PTAFR: variants seen among roughly 807,000 people sequenced by gnomAD.
PTAFR encodes platelet-activating factor receptor.
Under a neutral mutation model 14.7 loss-of-function variants are expected in PTAFR, and 8 were observed. The ratio of observed to expected loss-of-function variants is 0.54; its 90% CI spans 0.32 to 0.98. The LOEUF is 0.98. PTAFR is among the 50% of genes least tolerant of loss of function. The pLI is 0.04. For missense variants in PTAFR, 337 were observed against 451.2 expected (o/e 0.75, Z 2.29); for synonymous variants, 156 against 176.5 (o/e 0.88, Z 0.92).
rs1646145226 is a variant in PTAFR at position 28,148,874 on chromosome 1, A to G, written c.*1119T>C. On this transcript the variant is annotated 3_prime_UTR_variant, in exon 2 of 2. Transcript: ENST00000373857. The stretch of plus-strand genomic sequence containing the variant: ...AGTGCTGGGATTATAGGCATGAGCC[A>G]CTGAGCCCAGCCCCAATTTTGCTTT... The G allele has an allele frequency of 6.6e-6, 1 of 152,318 alleles. No individual in the cohort carries two copies. The highest frequency in any genetic ancestry group is 1.5e-5 in the Non-Finnish European group (1 of 68,108). The allele number at this position is 152,318 out of a possible 1,614,324, so 9.4% of individuals were successfully genotyped here.
intron 1 of PTAFR, among the ~76,000 whole-genome samples, chr1:28,155,318 C>T (rs1458613577): frequency 6.6e-6 from 1 of 152,178 alleles, no homozygotes; most frequent in Non-Finnish European, 1.5e-5. Flanking sequence ...TCAAGCGATT[C>T]TCCTGCCTCA....
chr1:28,180,989 A>G (rs1460086957), upstream of PTAFR, among the ~76,000 whole-genome samples: 1 of 152,048 alleles, frequency 6.6e-6, no homozygotes, highest in Non-Finnish European at 1.5e-5. Context: ...TATTTTTTTG[A>G]GATGGAGTCT....
intron 1 of PTAFR, among the ~76,000 whole-genome samples, chr1:28,175,117 T>A (rs543127130): frequency 1.3e-5 from 2 of 152,296 alleles, no homozygotes; most frequent in South Asian, 4.1e-4. Flanking sequence ...TTTCACCATG[T>A]TCGCCAGGAT....
chr1:28,158,793 A>T (rs1646294210), intron 1 of PTAFR, among the ~76,000 whole-genome samples: 1 of 152,142 alleles, frequency 6.6e-6, no homozygotes, highest in African/African-American at 2.4e-5. Flanking sequence ...TTATTGAAGG[A>T]TCTTGAGCTT....
At chr1:28,192,375 C>A (rs1646660658) in intron 1 of PTAFR, among the ~76,000 whole-genome samples, 1 of 151,858 alleles carries the variant, frequency 6.6e-6, no homozygotes. Context: ...GCCTGACCAA[C>A]ATGGAGAAAC....
At chr1:28,175,702 C>T (rs1646505734) in intron 1 of PTAFR, among the ~76,000 whole-genome samples, 1 of 152,060 alleles carries the variant, frequency 6.6e-6, no homozygotes. Flanking sequence ...GTATAAGAAC[C>T]TGGTTATTTT....
intron 1 of PTAFR, among the ~76,000 whole-genome samples, chr1:28,169,530 T>G (rs1305523450): frequency 6.6e-6 from 1 of 152,154 alleles, no homozygotes; most frequent in Non-Finnish European, 1.5e-5. Context: ...GGAGTCAGAC[T>G]CTGTAGTCAG....
At chr1:28,175,843 A>G (rs1646507420) in intron 1 of PTAFR, among the ~76,000 whole-genome samples, 1 of 152,112 alleles carries the variant, frequency 6.6e-6, no homozygotes, top group Non-Finnish European at 1.5e-5. Flanking sequence ...GACAATTTAG[A>G]AAACTGCACA....
chr1:28,180,118 G>A (rs376007118), upstream of PTAFR, among the ~76,000 whole-genome samples: 132 of 152,038 alleles, frequency 8.7e-4, no homozygotes, highest in African/African-American at 2.9e-3. Flanking sequence ...AGACCAACCT[G>A]GGCAAAACAG....
intron 1 of PTAFR, among the ~76,000 whole-genome samples, chr1:28,171,028 T>A (rs1237678821): frequency 2.7e-5 from 4 of 145,698 alleles, no homozygotes; most frequent in Non-Finnish European, 6.0e-5. Context: ...AAATAAATAA[T>A]TAATACAAAT....
intron 1 of PTAFR, among the ~76,000 whole-genome samples, chr1:28,160,937 G>A (rs985830990): frequency 2.0e-5 from 3 of 152,144 alleles, no homozygotes; most frequent in Non-Finnish European, 2.9e-5. Context: ...GCCTATCACT[G>A]TATCTTTGCA....
chr1:28,148,652 C>A lies in PTAFR; in HGVS notation c.*1341G>T, dbSNP rs779390189. ...AATTTTTTTGTATTTTTAGTAGAGA[C>A]GGGGTTTTACCATATTGGTCAGGCT... On this transcript the variant is annotated 3_prime_UTR_variant, in exon 2 of 2. Coordinates refer to ENST00000373857, the MANE Select transcript of PTAFR (RefSeq NM_000952.5). 6.6e-6 allele frequency: 1 copy of A among 152,324 alleles called. No individual in the cohort carries two copies. Among genetic ancestry groups the A allele is most frequent in the African/African-American group, 2.4e-5 (1 of 41,426 alleles). 9.4% of individuals were successfully genotyped at this position (152,324 alleles called of 1,614,324 possible).
In PTAFR at chr1:28,182,046, AG is replaced by A. The variant is rs1409846441; in HGVS notation, c.-39+11675del. 7.2e-5 allele frequency among the ~76,000 whole-genome samples: 11 copies of A among 152,040 alleles called. No homozygotes were observed. The East Asian group carries it at 1.7e-3, about 24-fold the overall frequency. ...TTCAAACAAAAGGGAAAAAAAAGAA[AG>A]AAATTGGGCCAGGCGCAGTGGCTCA... On this transcript the variant is annotated intron_variant, in intron 1 of 1. Coordinates refer to the PTAFR transcript ENST00000305392.
chr1:28,169,169 G>C (rs186177801), intron 1 of PTAFR, among the ~76,000 whole-genome samples: 15 of 152,038 alleles, frequency 9.9e-5, no homozygotes, highest in African/African-American at 3.6e-4. Flanking sequence ...GCCAAAATGA[G>C]TGGATCACTT....
chr1:28,192,029 C>T (rs2453918), intron 1 of PTAFR, among the ~76,000 whole-genome samples: 50,199 of 151,244 alleles, frequency 0.33, 9,032 homozygotes, highest in African/African-American at 0.46. Context: ...GAGATCGTGC[C>T]GCCACTGCCC....
Position 28,147,268 on chromosome 1 carries a change from C to G in PTAFR, c.*2725G>C, listed in dbSNP as rs1041736550. ...ATGAATGACTGAAATTCAGGAGACG[C>G]GGGGAGTTAGCACAGAAGCACTTTC... On this transcript the variant is annotated 3_prime_UTR_variant, in exon 2 of 2. Coordinates refer to ENST00000373857, the MANE Select transcript of PTAFR (RefSeq NM_000952.5). The G allele has an allele frequency of 2.0e-5, 3 of 151,992 alleles. No homozygotes were observed. Among genetic ancestry groups the G allele is most frequent in the Middle Eastern group, 3.4e-3 (1 of 294 alleles). 9.4% of individuals were successfully genotyped at this position (151,992 alleles called of 1,614,324 possible).
In PTAFR at chr1:28,149,383, G is replaced by GAT. The variant is rs1646152114; in HGVS notation, c.*609_*610insAT. 1 of 130,736 alleles carries GAT rather than the reference G, an allele frequency of 7.6e-6. No homozygotes were observed. Among genetic ancestry groups the GAT allele is most frequent in the South Asian group, 2.4e-4 (1 of 4,084 alleles). The allele number at this position is 130,736 out of a possible 1,614,324, so 8.1% of individuals were successfully genotyped here. ...GGAATCTCGCTCTGTTGCCAGGCTA[G>GAT]AGTGCAATGGTGCAATCTAGGTTCA... On this transcript the variant is annotated 3_prime_UTR_variant, in exon 2 of 2. Transcript: ENST00000373857.
At chr1:28,181,168 A>G (rs1027433297), upstream of PTAFR, among the ~76,000 whole-genome samples, 3 of 152,104 alleles carry the variant, frequency 2.0e-5, no homozygotes, top group Admixed American at 2.0e-4. Flanking sequence ...GAAACCACTA[A>G]GTTTGTGGTA....
At chr1:28,169,021 A>AAAAG (rs756528326) in intron 1 of PTAFR, among the ~76,000 whole-genome samples, 188 of 152,168 alleles carry the variant, frequency 1.2e-3, no homozygotes, top group Admixed American at 3.6e-3. Flanking sequence ...AAAAGAAAAG[A>AAAAG]AAAGAAAACA....
Sources: allele counts gnomAD v4.1 joint callset (sites outside exome capture counted in the v4.1 genomes callset), GRCh38; gene constraint gnomAD v4.1.1; transcripts MANE v1.5; gene names NCBI Gene and HGNC (gene_info 2026-07-23, HGNC 2026-07-21).